CNST: variants seen among roughly 807,000 people sequenced by gnomAD.
CNST encodes consortin.
Under a neutral mutation model 72.4 loss-of-function variants are expected in CNST, and 39 were observed. The ratio of observed to expected loss-of-function variants is 0.54; its 90% CI spans 0.42 to 0.70. The LOEUF (loss-of-function observed/expected upper bound fraction) is 0.70, where lower values mean the gene tolerates loss of function less well. Ranked by LOEUF, CNST falls within the 30% of genes least tolerant of loss-of-function variation. The pLI is 0.00. For synonymous variants in CNST, 332 were observed against 320.1 expected, an observed-to-expected ratio of 1.04 and a Z score of -0.40; for missense variants, 871 against 868.5, an observed-to-expected ratio of 1.00 and a Z score of -0.04.
intron 3 of CNST, among the ~76,000 whole-genome samples, chr1:246,626,348 G>A (rs1272170568): frequency 6.6e-6 from 1 of 151,458 alleles, no homozygotes; most frequent in Non-Finnish European, 1.5e-5. Flanking sequence ...ACTGCACCCA[G>A]CCCTAATTTT....
intron 1 of CNST, among the ~76,000 whole-genome samples, chr1:246,578,214 A>G (rs1054198231): frequency 2.6e-5 from 4 of 152,128 alleles, no homozygotes; most frequent in African/African-American, 9.7e-5. Flanking sequence ...GAAATAATAT[A>G]TATGCATGAA....
chr1:246,638,590 C>T (rs1015218945), intron 6 of CNST, among the ~76,000 whole-genome samples: 1 of 152,044 alleles, frequency 6.6e-6, no homozygotes, highest in African/African-American at 2.4e-5. Context: ...AGTGAGAGCT[C>T]GAGTGAGGGT....
chr1:246,644,049 C>G (rs1665885479), intron 8 of CNST, among the ~76,000 whole-genome samples: 1 of 152,178 alleles, frequency 6.6e-6, no homozygotes, highest in South Asian at 2.1e-4. Context: ...CCATCTCCTA[C>G]TCATAGAATG....
intron 2 of CNST, among the ~76,000 whole-genome samples, chr1:246,614,712 T>C (rs1381779401): frequency 6.6e-6 from 1 of 152,092 alleles, no homozygotes; most frequent in Non-Finnish European, 1.5e-5. Flanking sequence ...CCTCGTGATC[T>C]GCCCACCTCA....
At chr1:246,566,769 C>T (rs1659718013) in intron 1 of CNST, 106 bp downstream of exon 1, 6 of 398,534 alleles carry the variant, frequency 1.5e-5, no homozygotes, top group Non-Finnish European at 2.2e-5. Flanking sequence ...CTCCTCCAGC[C>T]GCGCAGCCTC....
chr1:246,585,435 T>C (rs1488558887), intron 1 of CNST, among the ~76,000 whole-genome samples: 12 of 150,490 alleles, frequency 8.0e-5, no homozygotes, highest in East Asian at 4.0e-4. Context: ...TCACTTGAGG[T>C]CAGGAGTTCG....
At chr1:246,594,578 T>A (rs1661754527) in intron 2 of CNST, among the ~76,000 whole-genome samples, 1 of 152,144 alleles carries the variant, frequency 6.6e-6, no homozygotes, top group South Asian at 2.1e-4. Flanking sequence ...GAGACCAGCC[T>A]GGCCAACATG....
intron 9 of CNST, among the ~76,000 whole-genome samples, chr1:246,659,962 C>T (rs1421960195): frequency 6.6e-6 from 1 of 152,128 alleles, no homozygotes. Context: ...CTGCCTGTCC[C>T]CGGAGTGAGT....
chr1:246,645,180 G>A (rs1394788470), intron 8 of CNST, among the ~76,000 whole-genome samples: 1 of 152,052 alleles, frequency 6.6e-6, no homozygotes, highest in Non-Finnish European at 1.5e-5. Flanking sequence ...CAGATGCTCT[G>A]AAATCTGCAG....
chr1:246,656,644 A>G (rs1666787874), intron 9 of CNST, among the ~76,000 whole-genome samples: 1 of 152,184 alleles, frequency 6.6e-6, no homozygotes, highest in Non-Finnish European at 1.5e-5. Flanking sequence ...CAATGGAAAT[A>G]TTTTTAAGAA....
Position 246,578,256 on chromosome 1 carries a change from A to G in CNST, c.-52+11593A>G, listed in dbSNP as rs114217202. On this transcript the variant is annotated intron_variant, in intron 1 of 10. Coordinates refer to ENST00000366513, the MANE Select transcript of CNST (RefSeq NM_152609.3). ...TGAGAAAAATTCTAAAACAATAAAT[A>G]AGCAAATTCGAGACAGTGTCTACTA... Among the ~76,000 whole-genome samples the G allele has an allele frequency of 4.4e-3, 670 of 152,236 alleles. 10 individuals are homozygous for G. The highest frequency in any genetic ancestry group is 0.015 in the African/African-American group (643 of 41,492).
chr1:246,634,396 AG>A (rs1229013169), intron 5 of CNST, 76 bp from the exon 6 acceptor site: 3 of 761,138 alleles, frequency 3.9e-6, no homozygotes, highest in Non-Finnish European at 6.5e-6. Context: ...GAGTGGTGCT[AG>A]TTAACTGTTT....
At chr1:246,653,136 G>A (rs1410879192) in intron 9 of CNST, among the ~76,000 whole-genome samples, 3 of 152,134 alleles carry the variant, frequency 2.0e-5, no homozygotes, top group Non-Finnish European at 4.4e-5. Context: ...TACAGGGGAG[G>A]ACATAAGTTC....
intron 6 of CNST, among the ~76,000 whole-genome samples, chr1:246,636,261 G>C (rs902414822): frequency 6.6e-6 from 1 of 152,084 alleles, no homozygotes; most frequent in African/African-American, 2.4e-5. Context: ...CGGCACGATG[G>C]GTTTTATCAG....
intron 2 of CNST, chr1:246,607,268 G>T (rs2103051734): frequency 6.6e-6 from 1 of 151,994 alleles, no homozygotes; most frequent in Admixed American, 6.6e-5. Flanking sequence ...AAGGGGGAAG[G>T]TCTATCCCAT....
At chr1:246,572,568 C>A (rs1660131815) in intron 1 of CNST, among the ~76,000 whole-genome samples, 1 of 151,996 alleles carries the variant, frequency 6.6e-6, no homozygotes, top group Non-Finnish European at 1.5e-5. Flanking sequence ...CCAGGCTAGT[C>A]CTGAACTCCT....
chr1:246,590,968 G>A (rs1442969255), intron 1 of CNST, among the ~76,000 whole-genome samples: 3 of 149,808 alleles, frequency 2.0e-5, no homozygotes, highest in East Asian at 3.9e-4. Flanking sequence ...ATAAATATAT[G>A]CTACCTAAAC....
At chr1:246,611,496 CTACTATTTCATATTTTTA>C (rs1315197590) in intron 2 of CNST, among the ~76,000 whole-genome samples, 5 of 152,058 alleles carry the variant, frequency 3.3e-5, no homozygotes, top group African/African-American at 1.2e-4. Flanking sequence ...TGAAAGAGTA[CTACTATTTCATATTTTTA>C]TACAAAAGCA....
intron 9 of CNST, among the ~76,000 whole-genome samples, chr1:246,651,111 T>G (rs567408919): frequency 1.3e-5 from 2 of 152,078 alleles, no homozygotes; most frequent in African/African-American, 4.8e-5. Flanking sequence ...CACACTTGGC[T>G]GATTTTACTG....
Sources: gnomAD v4.1 joint callset for allele counts (sites outside exome capture counted in the v4.1 genomes callset) on GRCh38, gnomAD v4.1.1 for gene constraint, MANE v1.5 for transcripts, NCBI Gene and HGNC (gene_info 2026-07-23, HGNC 2026-07-21) for gene names.